The following MYO5A variants were observed in gnomAD, a reference collection of about 807,000 sequenced individuals.
MYO5A encodes unconventional myosin-Va.
In MYO5A, 98 loss-of-function variants were observed where a neutral mutation model predicts 249.7. That is an observed-to-expected ratio of 0.39 (90% CI 0.33 to 0.46). MYO5A has a LOEUF of 0.46. Among genes scored for constraint, MYO5A ranks in the 20% least tolerant of loss-of-function variants. MYO5A has a pLI of 0.98. For missense variants in MYO5A, 1,696 were observed against 2,308.8 expected, an observed-to-expected ratio of 0.73 and a Z score of 5.44; for synonymous variants, 778 against 810.6, an observed-to-expected ratio of 0.96 and a Z score of 0.68.
At chr15:52,402,850 G>GAAAAAAAC (rs1212683567) in intron 9 of MYO5A, among the ~76,000 whole-genome samples, 2 of 150,910 alleles carry the variant, frequency 1.3e-5, no homozygotes, top group South Asian at 4.2e-4. Context: ...GTCTCAAAAA[G>GAAAAAAAC]AAAAAAACAA....
chr15:52,332,821 C>T (rs777007352), intron 34 of MYO5A, among the ~76,000 whole-genome samples: 29 of 152,000 alleles, frequency 1.9e-4, no homozygotes, highest in African/African-American at 3.4e-4. Flanking sequence ...AAAAATTAGC[C>T]GGGCATGGTG....
chr15:52,438,008 C>T, intron 1 of MYO5A: 1 of 983,398 alleles, frequency 1.0e-6, no homozygotes, highest in Admixed American at 6.1e-5. Flanking sequence ...AGAAATAGGT[C>T]AGAAACCATT....
chr15:52,510,394 T>A (rs1168790708), intron 1 of MYO5A, among the ~76,000 whole-genome samples: 1 of 152,104 alleles, frequency 6.6e-6, no homozygotes, highest in Non-Finnish European at 1.5e-5. Flanking sequence ...AGCCAACAGA[T>A]AAATCAAATA....
intron 1 of MYO5A, among the ~76,000 whole-genome samples, chr15:52,466,652 T>C (rs1228791227): frequency 6.6e-6 from 1 of 152,128 alleles, no homozygotes; most frequent in Non-Finnish European, 1.5e-5. Context: ...CTAACCCAGG[T>C]ATTTTACCAG....
intron 1 of MYO5A, among the ~76,000 whole-genome samples, chr15:52,501,559 A>T (rs527803076): frequency 6.6e-6 from 1 of 152,280 alleles, no homozygotes; most frequent in African/African-American, 2.4e-5. Flanking sequence ...TGATTGTGCC[A>T]CTGTACTCCA....
chr15:52,338,305 T>C (rs1340119316), intron 32 of MYO5A, among the ~76,000 whole-genome samples: 1 of 149,762 alleles, frequency 6.7e-6, no homozygotes, highest in Admixed American at 6.8e-5. Flanking sequence ...ATAATAGCAA[T>C]GTTAGCTTGT....
In MYO5A at chr15:52,527,166, C is replaced by T. The variant is rs149378973; in HGVS notation, c.27+1614G>A. Among the ~76,000 whole-genome samples, 296 of 152,272 alleles carry T rather than the reference C, an allele frequency of 1.9e-3. 3 individuals are homozygous for T. The highest frequency in any genetic ancestry group is 6.9e-3 in the African/African-American group (287 of 41,554). ...TTGATGTAGAAGTGGAGGGGATGGGCTACACAAAGTAACCAAGGAATGTTT... is the reference window on the plus strand; with the variant it reads ...TTGATGTAGAAGTGGAGGGGATGGGTTACACAAAGTAACCAAGGAATGTTT... On this transcript the variant is annotated intron_variant, in intron 1 of 41. Transcript: ENST00000399233.
chr15:52,495,399 C>T (rs2077017543), intron 1 of MYO5A, among the ~76,000 whole-genome samples: 1 of 152,114 alleles, frequency 6.6e-6, no homozygotes, highest in Non-Finnish European at 1.5e-5. Flanking sequence ...AGGCTGAGGG[C>T]CAGGAACATT....
At chr15:52,507,821 A>AAAAAAAAAAAAAAT (rs2077306279) in intron 1 of MYO5A, among the ~76,000 whole-genome samples, 2 of 151,410 alleles carry the variant, frequency 1.3e-5, no homozygotes, top group Non-Finnish European at 2.9e-5. Context: ...AAAAAAAAAA[A>AAAAAAAAAAAAAAT]GTGTAATAAC....
intron 24 of MYO5A, 97 bp from the exon 25 acceptor site, chr15:52,360,178 C>T: frequency 1.2e-6 from 1 of 812,966 alleles, no homozygotes; most frequent in Non-Finnish European, 2.1e-6. Context: ...ATCCCTACTT[C>T]CTGACTTGTA....
intron 1 of MYO5A, among the ~76,000 whole-genome samples, chr15:52,482,628 T>G (rs995197809): frequency 1.3e-5 from 2 of 152,176 alleles, no homozygotes; most frequent in Admixed American, 6.5e-5. Flanking sequence ...TCCCTAACAT[T>G]AATTTCCTGT....
At position 52,506,476 on chromosome 15, in the gene MYO5A, G is replaced by A. The variant is rs568669754; in HGVS notation, c.27+22304C>T. 1.9e-4 allele frequency among the ~76,000 whole-genome samples: 28 copies of A among 151,094 alleles called. 1 individual carries two copies. The East Asian group carries it at 2.9e-3, about 16-fold the overall frequency. On this transcript the variant is annotated intron_variant, in intron 1 of 41. Coordinates refer to ENST00000399233, the MANE Select transcript of MYO5A (RefSeq NM_001382347.1). ...TGGGAAGTGGAGGTTACAGTTAGCC[G>A]AGATCGCGCCATTGTACTCCAGCCT...
At chr15:52,386,334 C>CAAT (rs1178879469) in intron 14 of MYO5A, among the ~76,000 whole-genome samples, 2 of 151,484 alleles carry the variant, frequency 1.3e-5, no homozygotes, top group Non-Finnish European at 2.9e-5. Context: ...ACAACAACAA[C>CAAT]AACAGCAAGA....
intron 1 of MYO5A, among the ~76,000 whole-genome samples, chr15:52,486,485 C>A: frequency 6.6e-6 from 1 of 152,170 alleles, no homozygotes. Context: ...GTTACCTTCT[C>A]AGAGAGGCTG....
intron 12 of MYO5A, 51 bp downstream of exon 12, chr15:52,391,879 C>T (rs1185680300): frequency 6.3e-7 from 1 of 1,575,828 alleles, no homozygotes; most frequent in Admixed American, 1.7e-5. Context: ...TATCTTCTGA[C>T]CTTGATACAT....
chr15:52,378,389 T>C (rs2041538452), intron 18 of MYO5A, among the ~76,000 whole-genome samples: 1 of 150,796 alleles, frequency 6.6e-6, no homozygotes, highest in Admixed American at 6.6e-5. Context: ...GGTGTGGTGG[T>C]GTGCACCTAT....
chr15:52,470,576 GGAGGT>G (rs2076441468), intron 1 of MYO5A, among the ~76,000 whole-genome samples: 1 of 152,060 alleles, frequency 6.6e-6, no homozygotes, highest in Non-Finnish European at 1.5e-5. Context: ...CTTGAACCTG[GGAGGT>G]GGAGGTTGTG....
Position 52,307,337 on chromosome 15 carries a change from C to T in MYO5A, c.*6359G>A, listed in dbSNP as rs547092453. 1 of 149,394 alleles carries T rather than the reference C, an allele frequency of 6.7e-6. No individual in the cohort carries two copies. Among genetic ancestry groups the T allele is most frequent in the Admixed American group, 6.7e-5 (1 of 14,994 alleles). 9.3% of individuals were successfully genotyped at this position (149,394 alleles called of 1,614,324 possible). A position where few individuals can be genotyped will look rare whatever the true frequency, so the allele number is the denominator to read the frequency against. ...TTCCATAATAGCTAGGAGAATACAG[C>T]ATTAATGACACACATTTACTAAGCA... On this transcript the variant is annotated 3_prime_UTR_variant, in exon 42 of 42. Transcript: ENST00000399233.
chr15:52,513,201 T>C (rs1566872221), intron 1 of MYO5A, among the ~76,000 whole-genome samples: 1 of 151,784 alleles, frequency 6.6e-6, no homozygotes. Context: ...GAGGCCGAGA[T>C]GGGCTGATCA....
Sources: allele counts gnomAD v4.1 joint callset (sites outside exome capture counted in the v4.1 genomes callset), GRCh38; gene constraint gnomAD v4.1.1; transcripts MANE v1.5; gene names NCBI Gene and HGNC (gene_info 2026-07-23, HGNC 2026-07-21).